Variants in ANKRD13C observed in about 807,000 individuals in gnomAD.
ANKRD13C encodes the protein ankyrin repeat domain-containing protein 13C.
In ANKRD13C, 16 loss-of-function variants were observed where a neutral mutation model predicts 65.5. The observed-to-expected ratio is 0.24, with a 90% CI of 0.17 to 0.37. The LOEUF is 0.37. Ranked by LOEUF, ANKRD13C falls within the 10% of genes least tolerant of loss-of-function variation. The probability of loss-of-function intolerance (pLI) is 1.00; values close to 1 mark genes in which losing one functional copy is unlikely to be tolerated. For synonymous variants in ANKRD13C, 235 were observed against 238.7 expected (o/e 0.98, Z 0.14); for missense variants, 503 against 655.9 (o/e 0.77, Z 2.55).
intron 4 of ANKRD13C, among the ~76,000 whole-genome samples, chr1:70,314,457 T>G (rs1680987743): frequency 1.3e-5 from 2 of 151,832 alleles, no homozygotes; most frequent in South Asian, 4.2e-4. Context: ...ACTCCTGACC[T>G]CAGGTGATCC....
At chr1:70,346,863 G>T (rs1335264559) in intron 1 of ANKRD13C, among the ~76,000 whole-genome samples, 1 of 151,970 alleles carries the variant, frequency 6.6e-6, no homozygotes. Flanking sequence ...AGGTCCAGGC[G>T]GGTGGATCAC....
At chr1:70,288,380 T>G (rs1272257922) in intron 9 of ANKRD13C, among the ~76,000 whole-genome samples, 3 of 152,214 alleles carry the variant, frequency 2.0e-5, no homozygotes, top group African/African-American at 4.8e-5. Context: ...GAAACTGCAC[T>G]CTTGGGCATT....
chr1:70,309,905 A>G (rs1680777539), intron 5 of ANKRD13C, among the ~76,000 whole-genome samples: 1 of 152,046 alleles, frequency 6.6e-6, no homozygotes, highest in Non-Finnish European at 1.5e-5. Context: ...ATAGTATACA[A>G]AGGGCTTTCT....
At chr1:70,286,542 T>C (rs1239778370) in intron 9 of ANKRD13C, among the ~76,000 whole-genome samples, 1 of 152,148 alleles carries the variant, frequency 6.6e-6, no homozygotes, top group Non-Finnish European at 1.5e-5. Context: ...CTCATACCAT[T>C]TTTATTCACT....
intron 6 of ANKRD13C, among the ~76,000 whole-genome samples, chr1:70,301,773 T>C (rs1270553887): frequency 1.3e-5 from 2 of 152,116 alleles, no homozygotes; most frequent in Non-Finnish European, 2.9e-5. Context: ...TTGCCGAAAT[T>C]AGGAAAAATA....
chr1:70,325,081 G>T, intron 2 of ANKRD13C, 124 bp from the exon 3 acceptor site: 1 of 596,088 alleles, frequency 1.7e-6, no homozygotes, highest in Non-Finnish European at 2.6e-6. Flanking sequence ...GTACCATGTA[G>T]AATTATGTAA....
chr1:70,320,700 G>A (rs968498716), intron 3 of ANKRD13C, among the ~76,000 whole-genome samples: 6 of 151,716 alleles, frequency 4.0e-5, no homozygotes, highest in Admixed American at 1.3e-4. Context: ...AATTTTCTAC[G>A]ATGAATGTCA....
intron 6 of ANKRD13C, among the ~76,000 whole-genome samples, chr1:70,302,910 T>G (rs1399069067): frequency 1.3e-5 from 2 of 152,004 alleles, no homozygotes; most frequent in African/African-American, 4.8e-5. Context: ...AAAGAAGAAA[T>G]GGGCTAAAAC....
chr1:70,320,659 A>G lies in ANKRD13C; in HGVS notation c.577+4194T>C, dbSNP rs536655201. ...CCAACAGTGGTTATCTTTGAGTGAT[A>G]TTATTTTCTTTTCTTTTCCCTATAA... is the stretch of plus-strand genomic sequence containing the variant. On this transcript the variant is annotated intron_variant, in intron 3 of 12. Transcript: ENST00000370944. Among the ~76,000 whole-genome samples the G allele has an allele frequency of 1.2e-4, 18 of 152,042 alleles. No homozygotes were observed. In the South Asian group the frequency reaches 3.3e-3, roughly 28 times the overall value.
At chr1:70,296,733 T>G (rs1027695784) in intron 7 of ANKRD13C, among the ~76,000 whole-genome samples, 2 of 151,902 alleles carry the variant, frequency 1.3e-5, no homozygotes, top group African/African-American at 4.8e-5. Flanking sequence ...TCTTTCCCAA[T>G]AAATTGTAAG....
In ANKRD13C at chr1:70,274,757, T is replaced by C. The variant is rs1240898913; in HGVS notation, c.1357A>G (p.Ile453Val). 1.9e-6 allele frequency: 3 copies of C among 1,613,858 alleles called. No individual in the cohort carries two copies. The highest frequency in any genetic ancestry group is 2.5e-6 in the Non-Finnish European group (3 of 1,179,914). Residue 453 changes from isoleucine (I) to valine (V), a missense_variant, in exon 11 of 13, where the codon ATA (isoleucine) becomes GTA (valine). Coordinates refer to ENST00000370944, the MANE Select transcript of ANKRD13C (RefSeq NM_030816.5). The part of the protein sequence containing the change: ...KESKKTFKAT[I>V]AMSQEFPLGI... ...AAGGGAAATTCCTGGCTCATGGCTATCGTAGCTTTAAACGTTTTCTTACTC... is the reference window on the plus strand; with the variant it reads ...AAGGGAAATTCCTGGCTCATGGCTACCGTAGCTTTAAACGTTTTCTTACTC...
At chr1:70,300,961 T>A in intron 6 of ANKRD13C, 53 bp from the exon 7 acceptor site, 3 of 1,543,794 alleles carry the variant, frequency 1.9e-6, no homozygotes, top group Non-Finnish European at 2.6e-6. Flanking sequence ...TTGATAAAAC[T>A]TCACTAATAA....
rs1678969544 is a variant in ANKRD13C at position 70,273,159 on chromosome 1, G to A, written c.1394+1561C>T. Among the ~76,000 whole-genome samples, 3 of 152,172 alleles carry A rather than the reference G, an allele frequency of 2.0e-5. No homozygotes were observed. The South Asian group carries it at 6.2e-4, about 32-fold the overall frequency. ...TCTGACATAACTTGAGGGCTGTATA[G>A]AACAATCTATCTACTTATCTAAAGC... On this transcript the variant is annotated intron_variant, in intron 11 of 12. Transcript: ENST00000370944.
At chr1:70,330,574 C>CAAAAAAAAAAAAAAAAAAACAA (rs1681744326) in intron 2 of ANKRD13C, among the ~76,000 whole-genome samples, 1 of 68,394 alleles carries the variant, frequency 1.5e-5, no homozygotes, top group South Asian at 6.2e-4. Context: ...ACAAACAAAC[C>CAAAAAAAAAAAAAAAAAAACAA]AAAAAAAAAA....
rs924303001 is a variant in ANKRD13C at position 70,279,767 on chromosome 1, T to C, written c.1216-2923A>G. Reference sequence around the variant, plus strand: ...ATCTGCCCAACTCAGCCTCCCAAAGTGCTGGGATTACAGGCATAAGCCACT... The same window carrying C: ...ATCTGCCCAACTCAGCCTCCCAAAGCGCTGGGATTACAGGCATAAGCCACT... On this transcript the variant is annotated intron_variant, in intron 9 of 12. Coordinates refer to ENST00000370944, the MANE Select transcript of ANKRD13C (RefSeq NM_030816.5). 5.3e-5 allele frequency among the ~76,000 whole-genome samples: 8 copies of C among 152,302 alleles called. No homozygotes were observed. In the South Asian group the frequency reaches 1.7e-3, roughly 32 times the overall value.
chr1:70,317,265 C>T (rs1387181883), intron 3 of ANKRD13C, among the ~76,000 whole-genome samples: 2 of 152,098 alleles, frequency 1.3e-5, no homozygotes, highest in Non-Finnish European at 2.9e-5. Flanking sequence ...GAATGCAGGA[C>T]CTAGTTTCAG....
At chr1:70,313,395 C>T (rs924120845) in intron 5 of ANKRD13C, among the ~76,000 whole-genome samples, 11 of 151,866 alleles carry the variant, frequency 7.2e-5, no homozygotes, top group East Asian at 3.9e-4. Context: ...CCAGGTGTGA[C>T]GGCATGTGCC....
At chr1:70,348,455 C>T (rs1682619925) in intron 1 of ANKRD13C, among the ~76,000 whole-genome samples, 2 of 152,086 alleles carry the variant, frequency 1.3e-5, no homozygotes, top group African/African-American at 2.4e-5. Context: ...TTAGTAGAAA[C>T]GGGGTTTCAC....
chr1:70,282,053 T>C (rs1679418809), intron 9 of ANKRD13C, among the ~76,000 whole-genome samples: 1 of 146,980 alleles, frequency 6.8e-6, no homozygotes, highest in African/African-American at 2.6e-5. Flanking sequence ...GTACATATCA[T>C]CTTTTTTTTT....
Sources: allele counts gnomAD v4.1 joint callset (sites outside exome capture counted in the v4.1 genomes callset), GRCh38; gene constraint gnomAD v4.1.1; transcripts MANE v1.5; gene names NCBI Gene and HGNC (gene_info 2026-07-23, HGNC 2026-07-21).